COL24A1: variants seen among roughly 807,000 people sequenced by gnomAD.
The protein encoded by COL24A1 is collagen type XXIV alpha 1 chain.
Under a neutral mutation model 253.9 loss-of-function variants are expected in COL24A1, and 224 were observed. The observed-to-expected ratio is 0.88, with a 90% CI of 0.79 to 0.99. The LOEUF (loss-of-function observed/expected upper bound fraction) is 0.99, where lower values mean the gene tolerates loss of function less well. Ranked by LOEUF, COL24A1 falls within the 50% of genes least tolerant of loss-of-function variation. COL24A1 has a pLI of 0.00. For synonymous variants in COL24A1, 685 were observed against 673.7 expected, an observed-to-expected ratio of 1.02 and a Z score of -0.26; for missense variants, 2,131 against 2,068.5, an observed-to-expected ratio of 1.03 and a Z score of -0.59.
At chr1:86,116,597 G>A (rs1706164460) in intron 3 of COL24A1, among the ~76,000 whole-genome samples, 1 of 151,920 alleles carries the variant, frequency 6.6e-6, no homozygotes, top group African/African-American at 2.4e-5. Context: ...AAAAACACAA[G>A]AGGGAAATGA....
chr1:85,973,015 C>T (rs536666283), intron 20 of COL24A1, among the ~76,000 whole-genome samples: 1 of 152,254 alleles, frequency 6.6e-6, no homozygotes, highest in African/African-American at 2.4e-5. Context: ...GCTGGGTTTC[C>T]ACCACTTACT....
chr1:85,964,842 T>C (rs1413235813), intron 23 of COL24A1, among the ~76,000 whole-genome samples, 167 bp downstream of exon 23: 1 of 152,168 alleles, frequency 6.6e-6, no homozygotes. Context: ...TGCATATAAA[T>C]AGATACAGAT....
At chr1:86,050,678 T>C (rs1335630344) in intron 10 of COL24A1, among the ~76,000 whole-genome samples, 2 of 152,044 alleles carry the variant, frequency 1.3e-5, no homozygotes, top group Non-Finnish European at 2.9e-5. Context: ...TGGTAACAAT[T>C]GGGGAGTGTT....
intron 31 of COL24A1, among the ~76,000 whole-genome samples, chr1:85,891,200 G>A (rs1013601296): frequency 1.3e-4 from 20 of 148,844 alleles, no homozygotes; most frequent in Admixed American, 1.0e-3. Flanking sequence ...ACAGGCGCCC[G>A]CCACCACGCC....
At position 85,786,406 on chromosome 1, in the gene COL24A1, C is replaced by T. The variant is rs1406038190; in HGVS notation, c.4007G>A (p.Gly1336Glu). 6.2e-7 allele frequency: 1 copy of T among 1,613,798 alleles called. No homozygotes were observed. The highest frequency in any genetic ancestry group is 1.7e-5 in the Admixed American group (1 of 59,990). Reference sequence around the variant, plus strand: ...TGGCAAGCCTGATGAACCCTTTACTCCTGGAGGACCTGGAGCCCCAGCAAG... The same window carrying T: ...TGGCAAGCCTGATGAACCCTTTACTTCTGGAGGACCTGGAGCCCCAGCAAG... Reference protein sequence around the residue: ...TGLAGAPGPPGVKGSSGLPGS... With the variant: ...TGLAGAPGPPEVKGSSGLPGS... Residue 1336 changes from glycine (G) to glutamate (E), a missense_variant, in exon 48 of 60, where the codon GGA becomes GAA. Transcript: ENST00000370571.
intron 9 of COL24A1, 98 bp downstream of exon 9, chr1:86,059,023 A>G: frequency 1.4e-6 from 1 of 712,406 alleles, no homozygotes; most frequent in South Asian, 2.7e-5. Context: ...TTCATTATTT[A>G]ATAAAAAAAC....
chr1:85,848,861 T>C (rs922860129), intron 38 of COL24A1, among the ~76,000 whole-genome samples: 3 of 152,216 alleles, frequency 2.0e-5, no homozygotes, highest in African/African-American at 7.2e-5. Flanking sequence ...TGAATGTTGA[T>C]TTTAGTAAAA....
intron 24 of COL24A1, among the ~76,000 whole-genome samples, chr1:85,911,943 C>T (rs908786173): frequency 6.6e-6 from 1 of 152,190 alleles, no homozygotes; most frequent in Non-Finnish European, 1.5e-5. Context: ...CAAATCTAGA[C>T]CCTGCCCTCT....
chr1:85,856,785 G>A (rs1678484031), intron 37 of COL24A1, among the ~76,000 whole-genome samples: 2 of 152,188 alleles, frequency 1.3e-5, no homozygotes, highest in East Asian at 1.9e-4. Context: ...TCAGCCTCAG[G>A]TGTCTGTACG....
chr1:86,049,695 A>AT (rs1700164689), intron 11 of COL24A1, among the ~76,000 whole-genome samples: 1 of 152,116 alleles, frequency 6.6e-6, no homozygotes, highest in Non-Finnish European at 1.5e-5. Context: ...AAGTACCCAT[A>AT]TTTATTAACA....
intron 53 of COL24A1, among the ~76,000 whole-genome samples, chr1:85,766,241 A>G (rs1344923907): frequency 2.6e-5 from 4 of 151,740 alleles, no homozygotes; most frequent in African/African-American, 7.3e-5. Flanking sequence ...GTGGTGCTGG[A>G]TGCCTGTAAT....
intron 12 of COL24A1, chr1:86,045,770 TC>T: frequency 2.6e-6 from 1 of 380,882 alleles, no homozygotes; most frequent in South Asian, 2.1e-5. Flanking sequence ...ATTTTGTATT[TC>T]TTGACAGTTT....
chr1:86,117,064 G>T (rs887907150), intron 3 of COL24A1, among the ~76,000 whole-genome samples: 1 of 152,220 alleles, frequency 6.6e-6, no homozygotes, highest in African/African-American at 2.4e-5. Flanking sequence ...AGGAGAAATC[G>T]CAACTAAAAT....
At chr1:85,902,551 C>A (rs988215942) in intron 28 of COL24A1, among the ~76,000 whole-genome samples, 8 of 152,166 alleles carry the variant, frequency 5.3e-5, no homozygotes, top group African/African-American at 1.9e-4. Flanking sequence ...CCCATATACA[C>A]ACAAAACTAA....
intron 7 of COL24A1, among the ~76,000 whole-genome samples, chr1:86,072,881 G>A (rs1262700655): frequency 1.3e-5 from 2 of 152,072 alleles, no homozygotes; most frequent in African/African-American, 2.4e-5. Context: ...CGCAGCAGAG[G>A]GATCTGACTG....
chr1:85,984,963 GTCAT>G (rs1693588865), intron 20 of COL24A1, among the ~76,000 whole-genome samples: 1 of 151,640 alleles, frequency 6.6e-6, no homozygotes, highest in Admixed American at 6.6e-5. Flanking sequence ...TTTTTAAATG[GTCAT>G]TCAATTAATC....
chr1:85,849,025 T>C (rs1031830558), intron 38 of COL24A1, among the ~76,000 whole-genome samples: 1 of 152,164 alleles, frequency 6.6e-6, no homozygotes, highest in Non-Finnish European at 1.5e-5. Flanking sequence ...AAAGTTGTCA[T>C]TGAAAAGCAC....
intron 5 of COL24A1, among the ~76,000 whole-genome samples, chr1:86,107,598 G>A (rs922628788): frequency 6.6e-6 from 1 of 151,666 alleles, no homozygotes; most frequent in Non-Finnish European, 1.5e-5. Context: ...GCAGTGGCCC[G>A]ATCTTGGCTC....
chr1:85,841,639 T>C (rs1026622501), intron 41 of COL24A1, among the ~76,000 whole-genome samples: 2 of 152,140 alleles, frequency 1.3e-5, no homozygotes, highest in Non-Finnish European at 2.9e-5. Flanking sequence ...TCATCTGTCA[T>C]GCCTGCTACT....
Sources: allele counts gnomAD v4.1 joint callset (sites outside exome capture counted in the v4.1 genomes callset), GRCh38; gene constraint gnomAD v4.1.1; transcripts MANE v1.5; gene names NCBI Gene and HGNC (gene_info 2026-07-23, HGNC 2026-07-21).